CENPN: variants seen among roughly 807,000 people sequenced by gnomAD.
CENPN encodes centromere protein N.
Under a neutral mutation model 48.6 loss-of-function variants are expected in CENPN, and 36 were observed. The ratio of observed to expected loss-of-function variants is 0.74; its 90% CI spans 0.57 to 0.98. CENPN has a LOEUF of 0.98. Among genes scored for constraint, CENPN ranks in the 50% least tolerant of loss-of-function variants. The pLI, the probability that CENPN is intolerant of heterozygous loss-of-function variation, is 0.00. For synonymous variants in CENPN, 166 were observed against 135.2 expected (o/e 1.23, Z -1.58); for missense variants, 439 against 399.2 (o/e 1.10, Z -0.85).
chr16:81,024,782 C>T lies in CENPN; in HGVS notation c.697+4C>T, dbSNP rs752685686. 3.9e-5 allele frequency: 62 copies of T among 1,587,548 alleles called. No individual in the cohort carries two copies. The highest frequency in any genetic ancestry group is 5.2e-5 in the Admixed American group (3 of 57,766). On this transcript the variant is annotated splice_donor_region_variant and intron_variant, in intron 8 of 10. Coordinates refer to ENST00000305850, the MANE Select transcript of CENPN (RefSeq NM_001100624.3). ...AGCCTTGGACTAGATATAAATAGTA[C>T]GTGTGTGTTAATATGAAACTGAATT... is the stretch of plus-strand genomic sequence containing the variant.
At chr16:81,011,002 C>G (rs909408708) in intron 1 of CENPN, among the ~76,000 whole-genome samples, 1 of 152,186 alleles carries the variant, frequency 6.6e-6, no homozygotes, top group African/African-American at 2.4e-5. Context: ...TGCTCAGCAC[C>G]TTGCAGAGTG....
intron 9 of CENPN, among the ~76,000 whole-genome samples, chr16:81,027,669 T>C (rs74978168): frequency 0.036 from 5,436 of 152,304 alleles, 327 homozygotes; most frequent in African/African-American, 0.12. Context: ...GCATTTTGCC[T>C]TGGATGTTGT....
chr16:81,012,155 C>G, intron 2 of CENPN, 45 bp downstream of exon 2: 1 of 1,560,606 alleles, frequency 6.4e-7, no homozygotes, highest in Non-Finnish European at 8.7e-7. Context: ...GTGCTACCCC[C>G]TTGGGTTTTT....
chr16:81,022,633 A>G lies in CENPN; in HGVS notation c.568A>G (p.Lys190Glu), dbSNP rs745959809. 10 of 1,613,978 alleles carry G rather than the reference A, an allele frequency of 6.2e-6. 1 individual carries two copies. In the South Asian group the frequency reaches 9.9e-5, roughly 16 times the overall value. Reference sequence around the variant, plus strand: ...TGCTAGCAAACACCATCAGATTGTGAAAATGGACCTGAGAAGTCGGTATCT... The same window carrying G: ...TGCTAGCAAACACCATCAGATTGTGGAAATGGACCTGAGAAGTCGGTATCT... ...TIASKHHQIVKMDLRSRYLDS... is the reference protein window; with the variant it reads ...TIASKHHQIVEMDLRSRYLDS... Residue 190 changes from lysine (K) to glutamate (E), a missense_variant, in exon 7 of 11, where the codon AAA becomes GAA. Lys to Glu is a moderately conservative substitution (Grantham distance 56, BLOSUM62 1). Coordinates refer to ENST00000305850, the MANE Select transcript of CENPN (RefSeq NM_001100624.3).
intron 2 of CENPN, among the ~76,000 whole-genome samples, chr16:81,013,216 T>C (rs1004653031): frequency 6.6e-6 from 1 of 152,202 alleles, no homozygotes; most frequent in African/African-American, 2.4e-5. Context: ...GAAGTATTCA[T>C]AGATGCTAAC....
chr16:81,015,292 G>A (rs1412946107), intron 3 of CENPN, among the ~76,000 whole-genome samples: 1 of 152,150 alleles, frequency 6.6e-6, no homozygotes, highest in East Asian at 1.9e-4. Context: ...CAGGCCCTGG[G>A]GCCAGACCTC....
intron 5 of CENPN, among the ~76,000 whole-genome samples, chr16:81,019,774 G>A (rs1250913906): frequency 6.6e-6 from 1 of 151,736 alleles, no homozygotes; most frequent in Non-Finnish European, 1.5e-5. Context: ...TACTAGGGAG[G>A]CTGAGATGGG....
intron 1 of CENPN, 25 bp downstream of exon 1, chr16:81,007,302 G>A (rs1450506337): frequency 6.5e-6 from 1 of 153,044 alleles, no homozygotes; most frequent in Non-Finnish European, 1.5e-5. Flanking sequence ...GGCGGCACTG[G>A]ATCGGGCCCC....
At chr16:81,011,414 T>C (rs1969736189) in intron 1 of CENPN, among the ~76,000 whole-genome samples, 1 of 152,200 alleles carries the variant, frequency 6.6e-6, no homozygotes, top group African/African-American at 2.4e-5. Context: ...GATGTTTGTC[T>C]TTTTGGCCAA....
rs1202290842 is a variant in CENPN at position 81,029,718 on chromosome 16, G to A, written c.*1067G>A. On this transcript the variant is annotated 3_prime_UTR_variant, in exon 11 of 11. Transcript: ENST00000305850. ...AGCCTCTGAGTAGCTGGGACTACAG[G>A]CCTGCACCACCATGCCCAGCTAATT... 6.6e-6 allele frequency among the ~76,000 whole-genome samples: 1 copy of A among 152,122 alleles called. No homozygotes were observed.
In CENPN at chr16:81,030,235, G is replaced by A. The variant is rs1970709948; in HGVS notation, c.*1584G>A. ...CAGGCATGAGCTACCACGCCCGCCA[G>A]CATGTCTTTTTTAAACATTTTAAAA... is the stretch of plus-strand genomic sequence containing the variant. On this transcript the variant is annotated 3_prime_UTR_variant, in exon 11 of 11. Transcript: ENST00000305850. 1 of 985,440 alleles carries A rather than the reference G, an allele frequency of 1.0e-6. No individual in the cohort carries two copies. The highest frequency in any genetic ancestry group is 1.2e-6 in the Non-Finnish European group (1 of 829,932). 61.0% of individuals were successfully genotyped at this position (985,440 alleles called of 1,614,324 possible).
intron 9 of CENPN, among the ~76,000 whole-genome samples, chr16:81,027,527 G>C (rs1970561456): frequency 6.6e-6 from 1 of 152,080 alleles, no homozygotes; most frequent in African/African-American, 2.4e-5. Context: ...AAAAAAATGT[G>C]GTATTTTTAC....
chr16:81,013,742 G>A (rs1969834325), intron 2 of CENPN, among the ~76,000 whole-genome samples: 1 of 151,958 alleles, frequency 6.6e-6, no homozygotes, highest in African/African-American at 2.4e-5. Context: ...AGAGACACGA[G>A]AAAATCTGGG....
intron 8 of CENPN, among the ~76,000 whole-genome samples, chr16:81,026,065 A>ATGTGTGTG (rs1205146918): frequency 0.077 from 3,944 of 51,238 alleles, 229 homozygotes; most frequent in African/African-American, 0.15. Flanking sequence ...ATATATATAT[A>ATGTGTGTG]TATATGTGTG....
At chr16:81,014,277 C>T (rs1157282890) in intron 3 of CENPN, 96 bp downstream of exon 3, 3 of 1,021,760 alleles carry the variant, frequency 2.9e-6, no homozygotes, top group Non-Finnish European at 4.6e-6. Context: ...CTCTGTCGCC[C>T]AGGCTGGAGT....
At chr16:81,018,796 G>A (rs1045871065) in intron 5 of CENPN, among the ~76,000 whole-genome samples, 3 of 152,160 alleles carry the variant, frequency 2.0e-5, no homozygotes, top group Admixed American at 1.3e-4. Context: ...GCTAAAGAAT[G>A]AGCAGAATTT....
chr16:81,015,172 A>G (rs1046635592), intron 3 of CENPN, among the ~76,000 whole-genome samples: 3 of 152,138 alleles, frequency 2.0e-5, no homozygotes, highest in Non-Finnish European at 4.4e-5. Context: ...GTAGCTTCTC[A>G]CCTCTCCTCC....
At position 81,011,933 on chromosome 16, in the gene CENPN, CAA is replaced by C. The variant is rs1969757761; in HGVS notation, c.-5_-4del. ...TGCTGTTTTTGTTTTGTAAAAGTGC[CAA>C]AGAGATGGATGAGACTGTTGCTGAG... On this transcript the variant is annotated 5_prime_UTR_variant, in exon 2 of 11. Transcript: ENST00000305850. 3 of 1,611,028 alleles carry C rather than the reference CAA, an allele frequency of 1.9e-6. No homozygotes were observed. In the Admixed American group the frequency reaches 5.0e-5, roughly 27 times the overall value.
intron 7 of CENPN, 138 bp downstream of exon 7, chr16:81,022,836 T>C (rs3743503): frequency 6.2e-7 from 1 of 1,612,378 alleles, no homozygotes; most frequent in Non-Finnish European, 8.5e-7. Context: ...AGCTTGCAAT[T>C]AGTGAACATG....
Sources: gnomAD v4.1 joint callset for allele counts (sites outside exome capture counted in the v4.1 genomes callset) on GRCh38, gnomAD v4.1.1 for gene constraint, MANE v1.5 for transcripts, NCBI Gene and HGNC (gene_info 2026-07-23, HGNC 2026-07-21) for gene names.